The following PARVA variants were observed in gnomAD, a reference collection of about 807,000 sequenced individuals.
PARVA encodes parvin alpha, also known as alpha-parvin.
Under a neutral mutation model 52.6 loss-of-function variants are expected in PARVA, and 25 were observed. The ratio of observed to expected loss-of-function variants is 0.48; its 90% CI spans 0.35 to 0.66. PARVA has a LOEUF of 0.66. PARVA is among the 30% of genes least tolerant of loss of function. The pLI is 0.01. For synonymous variants in PARVA, 185 were observed against 179.1 expected (o/e 1.03, Z -0.26); for missense variants, 373 against 450.9 (o/e 0.83, Z 1.56).
At chr11:12,441,005 A>G (rs557950630) in intron 1 of PARVA, among the ~76,000 whole-genome samples, 27 of 152,332 alleles carry the variant, frequency 1.8e-4, no homozygotes, top group African/African-American at 6.3e-4. Context: ...ATCTCATCAC[A>G]TTCACAGTCC....
chr11:12,445,502 G>T (rs989248664), intron 1 of PARVA, among the ~76,000 whole-genome samples: 3 of 152,068 alleles, frequency 2.0e-5, no homozygotes, highest in African/African-American at 7.2e-5. Flanking sequence ...GACAGCAAGT[G>T]TGCCCACTGA....
rs535380772 is a variant in PARVA at position 12,478,169 on chromosome 11, C to T, written c.400+220C>T. 1.3e-5 allele frequency: 8 copies of T among 634,368 alleles called. No homozygotes were observed. The Admixed American group carries it at 1.7e-4, about 14-fold the overall frequency. 39.3% of individuals were successfully genotyped at this position (634,368 alleles called of 1,614,324 possible). ...GAGGGAGTCTCCATGACTAGGTGGG[C>T]CTGCTCCTTCTAGCAGCCAAGAATC... On this transcript the variant is annotated intron_variant, in intron 4 of 12. Transcript: ENST00000334956.
At chr11:12,490,867 C>T (rs943236176) in intron 4 of PARVA, among the ~76,000 whole-genome samples, 12 of 151,932 alleles carry the variant, frequency 7.9e-5, no homozygotes, top group Non-Finnish European at 1.5e-4. Flanking sequence ...GGTAAAGATA[C>T]CAATTAGCTT....
At chr11:12,393,639 G>A (rs1261801714) in intron 1 of PARVA, among the ~76,000 whole-genome samples, 3 of 152,200 alleles carry the variant, frequency 2.0e-5, no homozygotes. Context: ...TGGGGGACCA[G>A]CCTGAATGTG....
rs879232510 is a variant in PARVA, at chr11:12,518,484, G to A, written c.1009G>A (p.Gly337Arg). The A allele has an allele frequency of 6.2e-7, 1 of 1,613,768 alleles. No individual in the cohort carries two copies. The highest frequency in any genetic ancestry group is 1.1e-5 in the South Asian group (1 of 90,992). The change falls in exon 12 of 13, where the codon GGA (glycine) becomes AGA (arginine). Residue 337 changes from glycine to arginine, a missense_variant. By Grantham distance (125) the Gly-to-Arg change is moderately radical. Transcript: ENST00000334956. ...VSFAFELMQD[G>R]GLEKPKPRPE... ...CTTTGCCTTTGAGCTCATGCAAGAT[G>A]GAGGGTTGGAAAAGCCAAAACCGCG...
rs1260366186 is a variant in PARVA at position 12,529,843 on chromosome 11, G to T, written c.*1918G>T. 6.6e-6 allele frequency: 1 copy of T among 152,090 alleles called. No homozygotes were observed. Among genetic ancestry groups the T allele is most frequent in the African/African-American group, 2.4e-5 (1 of 41,410 alleles). 9.4% of individuals were successfully genotyped at this position (152,090 alleles called of 1,614,324 possible). A position where few individuals can be genotyped will look rare whatever the true frequency, so the allele number is the denominator to read the frequency against. On this transcript the variant is annotated 3_prime_UTR_variant, in exon 13 of 13. Transcript: ENST00000334956. ...CTGTTTTGTGTTGATCTATGTAAAA[G>T]AATACAATTCTTTTTTACATAATTA...
intron 4 of PARVA, among the ~76,000 whole-genome samples, chr11:12,488,476 G>A (rs780377836): frequency 1.3e-5 from 2 of 152,150 alleles, no homozygotes; most frequent in Non-Finnish European, 2.9e-5. Context: ...ATTCCTAATG[G>A]CCTATAGCCT....
At chr11:12,407,229 A>G (rs1043837024) in intron 1 of PARVA, among the ~76,000 whole-genome samples, 6 of 152,200 alleles carry the variant, frequency 3.9e-5, no homozygotes, top group Admixed American at 3.9e-4. Context: ...TCTGTGATAT[A>G]TTAGCATCTG....
intron 5 of PARVA, among the ~76,000 whole-genome samples, chr11:12,498,827 C>T (rs1393237472): frequency 6.6e-6 from 1 of 152,178 alleles, no homozygotes; most frequent in Non-Finnish European, 1.5e-5. Context: ...CCGCCTTGGC[C>T]TCCCAAAGTG....
intron 1 of PARVA, among the ~76,000 whole-genome samples, chr11:12,425,359 C>T (rs1281431602): frequency 6.6e-6 from 1 of 152,148 alleles, no homozygotes; most frequent in Non-Finnish European, 1.5e-5. Context: ...GGTCATATCA[C>T]CTCTTCATTG....
chr11:12,512,339 GGTTT>G (rs1310782015), intron 8 of PARVA, among the ~76,000 whole-genome samples: 10 of 152,120 alleles, frequency 6.6e-5, no homozygotes, highest in Admixed American at 3.3e-4. Flanking sequence ...ATCACGACTG[GGTTT>G]GTTTGTTTAT....
intron 1 of PARVA, among the ~76,000 whole-genome samples, chr11:12,384,960 C>T (rs187589318): frequency 1.3e-5 from 2 of 152,272 alleles, no homozygotes; most frequent in Admixed American, 6.5e-5. Flanking sequence ...TCTGTTTTAA[C>T]TGATGGTGCT....
intron 4 of PARVA, among the ~76,000 whole-genome samples, chr11:12,492,834 TACAC>T (rs35906710): frequency 6.7e-6 from 1 of 149,990 alleles, no homozygotes; most frequent in African/African-American, 2.5e-5. Flanking sequence ...TAGTAATACA[TACAC>T]ACACACACAC....
intron 1 of PARVA, among the ~76,000 whole-genome samples, chr11:12,430,330 T>C (rs1344614): frequency 0.29 from 43,947 of 152,170 alleles, 8,277 homozygotes; most frequent in East Asian, 0.55. Flanking sequence ...TTTTAAATTT[T>C]AATAATAACT....
intron 4 of PARVA, among the ~76,000 whole-genome samples, chr11:12,495,468 G>T (rs1941287236): frequency 6.6e-6 from 1 of 152,212 alleles, no homozygotes; most frequent in African/African-American, 2.4e-5. Flanking sequence ...TTAAATGTGT[G>T]CAGTTCTGTC....
At chr11:12,423,343 T>C (rs1940180381) in intron 1 of PARVA, among the ~76,000 whole-genome samples, 2 of 138,916 alleles carry the variant, frequency 1.4e-5, no homozygotes, top group Admixed American at 1.5e-4. Context: ...CATGCGTGGC[T>C]AATTTTTGTT....
intron 1 of PARVA, among the ~76,000 whole-genome samples, chr11:12,435,789 T>TG (rs938640018): frequency 1.8e-4 from 27 of 152,018 alleles, no homozygotes; most frequent in Non-Finnish European, 3.8e-4. Context: ...TCTCTGTTTT[T>TG]TTGTTGTTGT....
Position 12,531,984 on chromosome 11 carries a change from G to C in PARVA, c.*4059G>C, listed in dbSNP as rs1436308810. Among the ~76,000 whole-genome samples, 1 of 152,252 alleles carries C rather than the reference G, an allele frequency of 6.6e-6. No individual in the cohort carries two copies. The highest frequency in any genetic ancestry group is 1.5e-5 in the Non-Finnish European group (1 of 68,034). On this transcript the variant is annotated 3_prime_UTR_variant, in exon 13 of 13. Transcript: ENST00000334956. ...ACAAAGGCTACATTTACAAATACCA[G>C]AGTTTCGACTGTGTTTTTACTCTCT...
chr11:12,381,579 A>G (rs999217373), intron 1 of PARVA, among the ~76,000 whole-genome samples: 25 of 152,342 alleles, frequency 1.6e-4, no homozygotes, highest in African/African-American at 5.3e-4. Flanking sequence ...AAATCTGTGT[A>G]TAGTTTTTAA....
Sources: allele counts gnomAD v4.1 joint callset (sites outside exome capture counted in the v4.1 genomes callset), GRCh38; gene constraint gnomAD v4.1.1; transcripts MANE v1.5; gene names NCBI Gene and HGNC (gene_info 2026-07-23, HGNC 2026-07-21).